FSTL5: variants seen among roughly 807,000 people sequenced by gnomAD.
FSTL5 encodes follistatin-related protein 5.
In FSTL5, 62 loss-of-function variants were observed where a neutral mutation model predicts 89.1. The observed-to-expected ratio is 0.70, with a 90% CI of 0.57 to 0.86. FSTL5 has a LOEUF of 0.86. Ranked by LOEUF, FSTL5 falls within the 40% of genes least tolerant of loss-of-function variation. The pLI is 0.00. For missense variants in FSTL5, 1,057 were observed against 1,001.6 expected (o/e 1.06, Z -0.75); for synonymous variants, 383 against 346.2 (o/e 1.11, Z -1.18).
At chr4:161,991,265 T>C (rs1413854725) in intron 3 of FSTL5, among the ~76,000 whole-genome samples, 3 of 152,248 alleles carry the variant, frequency 2.0e-5, no homozygotes. Flanking sequence ...CACATAATTT[T>C]ATATCTGAAA....
At chr4:161,607,818 T>A (rs78624824) in intron 7 of FSTL5, among the ~76,000 whole-genome samples, 2,798 of 152,264 alleles carry the variant, frequency 0.018, 44 homozygotes, top group South Asian at 0.047. Context: ...ATATTTGTTA[T>A]CATTAAATGT....
chr4:161,999,469 T>A (rs1397927884), intron 3 of FSTL5, among the ~76,000 whole-genome samples: 1 of 152,146 alleles, frequency 6.6e-6, no homozygotes, highest in Non-Finnish European at 1.5e-5. Context: ...ATAAGAAAAA[T>A]TCATATTAAT....
intron 4 of FSTL5, among the ~76,000 whole-genome samples, chr4:161,806,594 GC>G (rs1330550903): frequency 6.6e-6 from 1 of 152,100 alleles, no homozygotes; most frequent in Non-Finnish European, 1.5e-5. Flanking sequence ...TCTAAGTAAA[GC>G]TAAATTCAAG....
intron 4 of FSTL5, among the ~76,000 whole-genome samples, chr4:161,898,689 G>T (rs1282663633): frequency 2.7e-5 from 4 of 148,388 alleles, no homozygotes; most frequent in Non-Finnish European, 5.9e-5. Flanking sequence ...GAGTGCAGTG[G>T]CATGATCTCG....
intron 4 of FSTL5, among the ~76,000 whole-genome samples, chr4:161,863,309 T>G (rs766800597): frequency 6.6e-6 from 1 of 152,214 alleles, no homozygotes; most frequent in African/African-American, 2.4e-5. Flanking sequence ...TGCCAACTAC[T>G]TTTTACTATA....
intron 3 of FSTL5, among the ~76,000 whole-genome samples, chr4:161,959,032 A>C (rs564544620): frequency 6.6e-6 from 1 of 152,196 alleles, no homozygotes; most frequent in African/African-American, 2.4e-5. Flanking sequence ...GACCTGGGGC[A>C]AGCATAGGTC....
At chr4:161,558,550 TA>T (rs985316094) in intron 8 of FSTL5, among the ~76,000 whole-genome samples, 13 of 135,772 alleles carry the variant, frequency 9.6e-5, no homozygotes, top group African/African-American at 3.5e-4. Flanking sequence ...CTCAAAATGT[TA>T]CTCTTAACTT....
chr4:161,601,344 A>AC lies in FSTL5; in HGVS notation c.895-13770_895-13769insG, dbSNP rs1403839678. On this transcript the variant is annotated intron_variant, in intron 7 of 15. Coordinates refer to ENST00000306100, the MANE Select transcript of FSTL5 (RefSeq NM_020116.5). ...TAAATAGTTGGAAAAAAAAAAAAAA[A>AC]AAAAAAGGCAGCCAATCCTGTCCCT... Among the ~76,000 whole-genome samples the AC allele has an allele frequency of 2.2e-4, 34 of 151,352 alleles. 2 individuals are homozygous for AC. The highest frequency in any genetic ancestry group is 2.2e-3 in the Admixed American group (34 of 15,194).
intron 4 of FSTL5, among the ~76,000 whole-genome samples, chr4:161,816,755 G>A (rs1275045969): frequency 6.6e-6 from 1 of 152,114 alleles, no homozygotes; most frequent in Non-Finnish European, 1.5e-5. Context: ...ATAAAGCCTG[G>A]GACAAGAGTC....
intron 15 of FSTL5, among the ~76,000 whole-genome samples, chr4:161,439,795 C>G (rs893614891): frequency 6.6e-6 from 1 of 152,080 alleles, no homozygotes; most frequent in Non-Finnish European, 1.5e-5. Context: ...TTAAAATCAA[C>G]TGATACTTTC....
At chr4:161,643,756 C>T (rs1736045404) in intron 7 of FSTL5, among the ~76,000 whole-genome samples, 1 of 152,122 alleles carries the variant, frequency 6.6e-6, no homozygotes, top group Admixed American at 6.5e-5. Flanking sequence ...AATTGTTGAA[C>T]TGTGCTAGGT....
At chr4:161,634,872 T>G (rs1480979966) in intron 7 of FSTL5, among the ~76,000 whole-genome samples, 1 of 152,286 alleles carries the variant, frequency 6.6e-6, no homozygotes, top group African/African-American at 2.4e-5. Flanking sequence ...ATATGCTAAT[T>G]ATTATCATCA....
chr4:161,423,111 G>A (rs748984421), intron 15 of FSTL5, among the ~76,000 whole-genome samples: 1 of 152,080 alleles, frequency 6.6e-6, no homozygotes, highest in Non-Finnish European at 1.5e-5. Context: ...AAAAACTGAT[G>A]AGGCTTAAAA....
chr4:161,472,317 T>C (rs77586630), intron 13 of FSTL5, among the ~76,000 whole-genome samples: 4,398 of 152,266 alleles, frequency 0.029, 143 homozygotes, highest in East Asian at 0.12. Context: ...TTGGTTTCAA[T>C]AGTTTTCTCT....
In FSTL5 at chr4:161,920,570, C is replaced by T; in HGVS notation, c.243G>A (p.Glu81=). 6.2e-7 allele frequency: 1 copy of T among 1,613,966 alleles called. No individual in the cohort carries two copies. ...TACAGGCACATTCTGCTTGCCCTGT[C>T]TCTCTGCTGGTAACACAGTGTCTTC... ...GLGRHCVTSR[E]TGQAECACMD... is the part of the protein sequence containing the mutation. The change falls in exon 4 of 16, where the codon GAG becomes GAA. Residue 81 remains glutamate (E), a synonymous_variant. Coordinates refer to ENST00000306100, the MANE Select transcript of FSTL5 (RefSeq NM_020116.5).
chr4:161,548,204 C>A (rs1732069653), intron 8 of FSTL5, among the ~76,000 whole-genome samples: 2 of 151,742 alleles, frequency 1.3e-5, no homozygotes, highest in South Asian at 4.1e-4. Flanking sequence ...GTACCACTTA[C>A]CAAAATGCTC....
At chr4:161,894,776 T>A (rs901666893) in intron 4 of FSTL5, among the ~76,000 whole-genome samples, 1 of 152,162 alleles carries the variant, frequency 6.6e-6, no homozygotes, top group Non-Finnish European at 1.5e-5. Context: ...AGTCAAAATG[T>A]TTTTATGGAG....
chr4:161,986,175 G>C (rs952590682), intron 3 of FSTL5, among the ~76,000 whole-genome samples: 3 of 151,662 alleles, frequency 2.0e-5, no homozygotes, highest in African/African-American at 7.3e-5. Flanking sequence ...GTAGGGAAAG[G>C]GGCACTTGAC....
intron 4 of FSTL5, among the ~76,000 whole-genome samples, chr4:161,908,504 T>G (rs1244008306): frequency 6.6e-6 from 1 of 152,048 alleles, no homozygotes; most frequent in Non-Finnish European, 1.5e-5. Context: ...TCAATTAAAT[T>G]AATTCATTGT....
Sources: allele counts gnomAD v4.1 joint callset (sites outside exome capture counted in the v4.1 genomes callset), GRCh38; gene constraint gnomAD v4.1.1; transcripts MANE v1.5; gene names NCBI Gene and HGNC (gene_info 2026-07-23, HGNC 2026-07-21).